Variants in PPARGC1B observed in about 807,000 individuals in gnomAD.
The protein encoded by PPARGC1B is peroxisome proliferator-activated receptor gamma coactivator 1-beta.
A neutral mutation model predicts 101.6 loss-of-function variants in PPARGC1B; 34 were observed. That is an observed-to-expected ratio of 0.33 (90% CI 0.25 to 0.45). The LOEUF (loss-of-function observed/expected upper bound fraction) is 0.45, where lower values mean the gene tolerates loss of function less well. PPARGC1B is among the 20% of genes least tolerant of loss of function. The pLI, the probability that PPARGC1B is intolerant of heterozygous loss-of-function variation, is 1.00. For synonymous variants in PPARGC1B, 548 were observed against 539.3 expected, an observed-to-expected ratio of 1.02 and a Z score of -0.22; for missense variants, 1,234 against 1,317.6, an observed-to-expected ratio of 0.94 and a Z score of 0.98.
Position 149,832,930 on chromosome 5 carries a change from C to T in PPARGC1B, c.857C>T (p.Ala286Val), listed in dbSNP as rs780247867. Residue 286 changes from alanine to valine, a missense_variant, in exon 5 of 12, where the codon GCG becomes GTG. By Grantham distance (64) the Ala-to-Val change is moderately conservative. Around this residue, in one of 3 missense-constraint regions of PPARGC1B, gnomAD observed 734 missense variants for 768.4 expected, o/e 0.96. Transcript: ENST00000309241. The surrounding 1 kb of genome is among the most constrained non-coding windows in gnomAD (Gnocchi z 4.9). ...CCGGTTTCCCAGGAAGACATGCAGGCGATGGTGCAACTCATACGCTACATG... is the reference window on the plus strand; with the variant it reads ...CCGGTTTCCCAGGAAGACATGCAGGTGATGGTGCAACTCATACGCTACATG... ...GAPVSQEDMQ[A>V]MVQLIRYMHT... The T allele has an allele frequency of 9.3e-6, 15 of 1,613,044 alleles. No individual in the cohort carries two copies. Among genetic ancestry groups the T allele is most frequent in the African/African-American group, 2.7e-5 (2 of 74,910 alleles).
chr5:149,840,236 C>G, intron 9 of PPARGC1B, 120 bp downstream of exon 9: 1 of 862,866 alleles, frequency 1.2e-6, no homozygotes, highest in Non-Finnish European at 1.8e-6. Flanking sequence ...TCGGCCTCTG[C>G]CTGGGGAAGA....
At chr5:149,761,992 T>C (rs922029026) in intron 1 of PPARGC1B, among the ~76,000 whole-genome samples, 2 of 152,184 alleles carry the variant, frequency 1.3e-5, no homozygotes, top group African/African-American at 4.8e-5. Flanking sequence ...GATATCTGCC[T>C]ATCCTTTGCT....
chr5:149,755,597 G>A (rs1755489578), intron 1 of PPARGC1B, among the ~76,000 whole-genome samples: 1 of 122,502 alleles, frequency 8.2e-6, no homozygotes, highest in African/African-American at 2.9e-5. Flanking sequence ...TGTTGTTGTT[G>A]TTATTATTAT....
chr5:149,774,242 G>A (rs1581037878), intron 1 of PPARGC1B, among the ~76,000 whole-genome samples: 1 of 152,150 alleles, frequency 6.6e-6, no homozygotes, highest in East Asian at 1.9e-4. Context: ...CTAGTGAGGG[G>A]ACACCGTCGT....
chr5:149,741,371 A>T lies in PPARGC1B; in HGVS notation c.78+10951A>T, dbSNP rs1313270107. Among the ~76,000 whole-genome samples the T allele has an allele frequency of 2.0e-5, 3 of 152,298 alleles. No individual in the cohort carries two copies. In the East Asian group the frequency reaches 5.8e-4, roughly 29 times the overall value. On this transcript the variant is annotated intron_variant, in intron 1 of 11. Coordinates refer to ENST00000309241, the MANE Select transcript of PPARGC1B (RefSeq NM_133263.4). Reference sequence around the variant, plus strand: ...TTTGCAAGGAAGTGTGGTACCCAGAACACTGGGGAGGGCCCTGCCCTGGAT... The same window carrying T: ...TTTGCAAGGAAGTGTGGTACCCAGATCACTGGGGAGGGCCCTGCCCTGGAT...
At chr5:149,813,617 G>T (rs1173774590) in intron 1 of PPARGC1B, among the ~76,000 whole-genome samples, 2 of 152,206 alleles carry the variant, frequency 1.3e-5, no homozygotes, top group Admixed American at 6.5e-5. Flanking sequence ...AAATGGGAAT[G>T]CTGACCACTG....
intron 1 of PPARGC1B, among the ~76,000 whole-genome samples, chr5:149,808,387 C>T (rs536956910): frequency 1.4e-4 from 22 of 152,070 alleles, no homozygotes; most frequent in Non-Finnish European, 2.9e-4. Context: ...AAGAGAGCAG[C>T]TGAGGATGGC....
intron 1 of PPARGC1B, among the ~76,000 whole-genome samples, chr5:149,791,695 TC>T (rs2113258709): frequency 6.6e-6 from 1 of 152,254 alleles, no homozygotes; most frequent in South Asian, 2.1e-4. Context: ...CTCCTTGTCT[TC>T]CCTCTGCAAA....
In PPARGC1B at chr5:149,790,097, T is replaced by C. The variant is rs199828511; in HGVS notation, c.79-30336T>C. Reference sequence around the variant, plus strand: ...TAGTTTCCTTGTCTATAAATAGAGATGATAATCCTGCCTACTGTGTAGGAT... The same window carrying C: ...TAGTTTCCTTGTCTATAAATAGAGACGATAATCCTGCCTACTGTGTAGGAT... On this transcript the variant is annotated intron_variant, in intron 1 of 11. Transcript: ENST00000309241. Among the ~76,000 whole-genome samples the C allele has an allele frequency of 1.7e-4, 26 of 152,334 alleles. No homozygotes were observed. In the East Asian group the frequency reaches 4.6e-3, roughly 27 times the overall value.
At chr5:149,765,906 G>C (rs555460572) in intron 1 of PPARGC1B, among the ~76,000 whole-genome samples, 111 of 151,418 alleles carry the variant, frequency 7.3e-4, no homozygotes, top group African/African-American at 2.6e-3. Flanking sequence ...GCCCCAATCT[G>C]TGAGATTGTT....
intron 1 of PPARGC1B, among the ~76,000 whole-genome samples, chr5:149,756,180 G>A (rs562776287): frequency 2.0e-4 from 30 of 152,288 alleles, no homozygotes; most frequent in African/African-American, 6.7e-4. Flanking sequence ...AAAAATTCTT[G>A]ACAGGGTGTG....
At chr5:149,842,492 T>G in intron 10 of PPARGC1B, 115 bp downstream of exon 10, 1 of 1,442,556 alleles carries the variant, frequency 6.9e-7, no homozygotes, top group Non-Finnish European at 9.6e-7. Flanking sequence ...ACAAAATCCA[T>G]AGCCTAGATG....
chr5:149,768,134 A>C (rs1477743204), intron 1 of PPARGC1B, among the ~76,000 whole-genome samples: 1 of 152,094 alleles, frequency 6.6e-6, no homozygotes, highest in Non-Finnish European at 1.5e-5. Flanking sequence ...GGATGTTGGA[A>C]ATAGAAGCAG....
chr5:149,750,346 A>G (rs1416335296), intron 1 of PPARGC1B, among the ~76,000 whole-genome samples: 2 of 151,722 alleles, frequency 1.3e-5, no homozygotes, highest in African/African-American at 2.4e-5. Flanking sequence ...GATGATATCT[A>G]CAATAATTTC....
chr5:149,806,422 T>A (rs1280671815), intron 1 of PPARGC1B, among the ~76,000 whole-genome samples: 1 of 152,124 alleles, frequency 6.6e-6, no homozygotes, highest in African/African-American at 2.4e-5. Flanking sequence ...CTTTCTGGGT[T>A]ATTTATAACA....
intron 1 of PPARGC1B, among the ~76,000 whole-genome samples, chr5:149,745,692 T>A (rs897861384): frequency 6.6e-6 from 1 of 152,130 alleles, no homozygotes; most frequent in Non-Finnish European, 1.5e-5. Flanking sequence ...TTCACATCAA[T>A]CTCATGTCAT....
At chr5:149,831,976 C>G (rs891671425) in intron 4 of PPARGC1B, among the ~76,000 whole-genome samples, 1 of 152,148 alleles carries the variant, frequency 6.6e-6, no homozygotes, top group African/African-American at 2.4e-5. Context: ...TAAACTTATA[C>G]CCATGCAATT....
At chr5:149,799,693 G>GTTGTTTTTTTTT (rs752427488) in intron 1 of PPARGC1B, among the ~76,000 whole-genome samples, 36 of 76,472 alleles carry the variant, frequency 4.7e-4, no homozygotes, top group African/African-American at 1.2e-3. Flanking sequence ...GCTTGTTGTT[G>GTTGTTTTTTTTT]TTTTTTTTTT....
chr5:149,798,369 C>G (rs1052390758), intron 1 of PPARGC1B, among the ~76,000 whole-genome samples: 4 of 152,212 alleles, frequency 2.6e-5, no homozygotes, highest in Admixed American at 1.3e-4. Flanking sequence ...TTTTATAATA[C>G]AAGAATGTTC....
Sources: gnomAD v4.1 joint callset for allele counts (sites outside exome capture counted in the v4.1 genomes callset) on GRCh38, gnomAD v4.1.1 for gene constraint, gnomAD v4.1.1 regional missense constraint, Gnocchi (gnomAD v3.1) non-coding constraint, MANE v1.5 for transcripts, NCBI Gene and HGNC (gene_info 2026-07-23, HGNC 2026-07-21) for gene names.